The following GRIN2A variants were observed in gnomAD, a reference collection of about 807,000 sequenced individuals.
The protein encoded by GRIN2A is glutamate ionotropic receptor NMDA type subunit 2A.
In GRIN2A, 22 loss-of-function variants were observed where a neutral mutation model predicts 113.4. That is an observed-to-expected ratio of 0.19 (90% CI 0.14 to 0.28). The LOEUF is 0.28. GRIN2A is among the 10% of genes least tolerant of loss of function. GRIN2A has a pLI of 1.00. For synonymous variants in GRIN2A, 827 were observed against 738.4 expected, an observed-to-expected ratio of 1.12 and a Z score of -1.94; for missense variants, 1,502 against 1,887.0, an observed-to-expected ratio of 0.80 and a Z score of 3.78.
In GRIN2A at chr16:10,049,395, C is replaced by T. The variant is rs1222328166; in HGVS notation, c.415-110844G>A. Among the ~76,000 whole-genome samples, 8 of 144,420 alleles carry T rather than the reference C, an allele frequency of 5.5e-5. No individual in the cohort carries two copies. In the South Asian group the frequency reaches 6.4e-4, roughly 12 times the overall value. 94.7% of individuals were successfully genotyped at this position (144,420 alleles called of 152,430 possible). On this transcript the variant is annotated intron_variant, in intron 2 of 12. Coordinates refer to ENST00000330684, the MANE Select transcript of GRIN2A (RefSeq NM_001134407.3). ...TTGATTTTTTACTATTTTTTTTTTTCGAGACAGAGTCTTGCTCTGTTGACC... is the reference window on the plus strand; with the variant it reads ...TTGATTTTTTACTATTTTTTTTTTTTGAGACAGAGTCTTGCTCTGTTGACC...
chr16:10,079,535 G>C (rs1244846208), intron 2 of GRIN2A, among the ~76,000 whole-genome samples: 1 of 152,170 alleles, frequency 6.6e-6, no homozygotes, highest in Non-Finnish European at 1.5e-5. Flanking sequence ...TAGGTCATGA[G>C]GGCCAAGCCC....
At chr16:9,850,134 A>G (rs1354709652) in intron 4 of GRIN2A, among the ~76,000 whole-genome samples, 173 bp from the exon 5 acceptor site, 1 of 152,202 alleles carries the variant, frequency 6.6e-6, no homozygotes, top group Non-Finnish European at 1.5e-5. Flanking sequence ...AGAAAACAGA[A>G]TATAGGGCAG....
At chr16:10,137,169 C>T (rs574497421) in intron 2 of GRIN2A, among the ~76,000 whole-genome samples, 8 of 152,326 alleles carry the variant, frequency 5.3e-5, no homozygotes, top group Non-Finnish European at 8.8e-5. Flanking sequence ...GAGGGGTTCA[C>T]AGTGAGCAAG....
chr16:10,133,014 G>T (rs776633820), intron 2 of GRIN2A, among the ~76,000 whole-genome samples: 3 of 152,190 alleles, frequency 2.0e-5, no homozygotes, highest in Admixed American at 6.5e-5. Context: ...CTGTTTCCAT[G>T]GTCACATCTC....
chr16:10,101,489 C>T (rs116179546), intron 2 of GRIN2A, among the ~76,000 whole-genome samples: 2,303 of 152,300 alleles, frequency 0.015, 63 homozygotes, highest in African/African-American at 0.053. Context: ...CTCAAACTGC[C>T]AGGAAGCTTT....
chr16:9,824,685 T>C (rs142560961), intron 9 of GRIN2A, among the ~76,000 whole-genome samples: 23 of 152,334 alleles, frequency 1.5e-4, no homozygotes, highest in African/African-American at 5.5e-4. Context: ...TTTTAAAGCA[T>C]GACTCACAAT....
At chr16:10,122,608 C>CA (rs923177013) in intron 2 of GRIN2A, among the ~76,000 whole-genome samples, 1 of 151,388 alleles carries the variant, frequency 6.6e-6, no homozygotes, top group East Asian at 1.9e-4. Flanking sequence ...CCCACCCCCC[C>CA]AAAAAATGGG....
At chr16:10,072,266 G>A (rs1234954426) in intron 2 of GRIN2A, among the ~76,000 whole-genome samples, 2 of 152,176 alleles carry the variant, frequency 1.3e-5, no homozygotes, top group Non-Finnish European at 1.5e-5. Context: ...TTGCAATTCT[G>A]TACCTTCCAT....
intron 2 of GRIN2A, among the ~76,000 whole-genome samples, chr16:10,129,042 T>C (rs1226367520): frequency 6.6e-6 from 1 of 152,222 alleles, no homozygotes. Context: ...GCACCTACTA[T>C]GTGCATCACT....
At chr16:10,179,083 T>A (rs569536626) in intron 2 of GRIN2A, among the ~76,000 whole-genome samples, 59 of 152,316 alleles carry the variant, frequency 3.9e-4, no homozygotes, top group Non-Finnish European at 3.2e-4. Flanking sequence ...CAGGCTGTCA[T>A]AACATCGCCT....
intron 2 of GRIN2A, among the ~76,000 whole-genome samples, chr16:9,992,272 G>A (rs2046131436): frequency 6.6e-6 from 1 of 152,106 alleles, no homozygotes; most frequent in South Asian, 2.1e-4. Flanking sequence ...CTTCTCAGAG[G>A]ATAAGCTAGT....
At chr16:10,099,925 T>C (rs1044296046) in intron 2 of GRIN2A, among the ~76,000 whole-genome samples, 8 of 151,044 alleles carry the variant, frequency 5.3e-5, no homozygotes, top group African/African-American at 9.7e-5. Flanking sequence ...CGGAGCTTCA[T>C]TGAGGGAGCT....
intron 3 of GRIN2A, among the ~76,000 whole-genome samples, chr16:9,915,822 T>C (rs1386165447): frequency 1.3e-5 from 2 of 152,230 alleles, no homozygotes; most frequent in African/African-American, 4.8e-5. Flanking sequence ...TAAATGGAGA[T>C]ACTAATGGCA....
At chr16:10,097,946 C>G (rs914880191) in intron 2 of GRIN2A, among the ~76,000 whole-genome samples, 4 of 152,138 alleles carry the variant, frequency 2.6e-5, no homozygotes, top group African/African-American at 9.7e-5. Context: ...ATAGGCGGTA[C>G]TTAATTAAAC....
intron 2 of GRIN2A, among the ~76,000 whole-genome samples, chr16:10,065,847 G>A (rs1567273236): frequency 6.6e-6 from 1 of 152,142 alleles, no homozygotes; most frequent in African/African-American, 2.4e-5. Context: ...CAAACATTGG[G>A]AGGGGGGGCG....
intron 2 of GRIN2A, among the ~76,000 whole-genome samples, chr16:10,020,793 T>C (rs1269189486): frequency 6.6e-6 from 1 of 152,186 alleles, no homozygotes. Flanking sequence ...TATTTTACTA[T>C]AATTATGATC....
chr16:10,103,074 T>C (rs2048430537), intron 2 of GRIN2A, among the ~76,000 whole-genome samples: 1 of 152,216 alleles, frequency 6.6e-6, no homozygotes. Context: ...GGAAAGATAC[T>C]AATATAGCAA....
chr16:10,145,584 A>C (rs78025627), intron 2 of GRIN2A, among the ~76,000 whole-genome samples: 2,653 of 152,258 alleles, frequency 0.017, 84 homozygotes, highest in African/African-American at 0.061. Context: ...CATTCTCTCT[A>C]TTCTTGTATG....
At chr16:9,809,675 G>A (rs891342463) in intron 10 of GRIN2A, among the ~76,000 whole-genome samples, 11 of 152,184 alleles carry the variant, frequency 7.2e-5, no homozygotes, top group South Asian at 4.1e-4. Context: ...CTGTGCCTGC[G>A]TCATGACTTA....
Sources: allele counts gnomAD v4.1 joint callset (sites outside exome capture counted in the v4.1 genomes callset), GRCh38; gene constraint gnomAD v4.1.1; transcripts MANE v1.5; gene names NCBI Gene and HGNC (gene_info 2026-07-23, HGNC 2026-07-21).